AGO3: variants seen among roughly 807,000 people sequenced by gnomAD.
AGO3 encodes the protein protein argonaute-3.
A neutral mutation model predicts 105.5 loss-of-function variants in AGO3; 16 were observed. That is an observed-to-expected ratio of 0.15 (90% CI 0.10 to 0.23). The LOEUF is 0.23. AGO3 is among the 10% of genes least tolerant of loss of function. AGO3 has a pLI of 1.00. For synonymous variants in AGO3, 340 were observed against 367.3 expected (o/e 0.93, Z 0.85); for missense variants, 534 against 1,088.0 (o/e 0.49, Z 7.16).
chr1:36,046,622 T>TGAAA (rs1557711439), intron 17 of AGO3, among the ~76,000 whole-genome samples: 1 of 4,602 alleles, frequency 2.2e-4, no homozygotes, highest in Non-Finnish European at 5.1e-4. Context: ...CAGTCTCTAT[T>TGAAA]TAAAAAAAAA....
rs999904054 is a variant in AGO3, at chr1:36,065,082, G to C, written c.*9337G>C. On this transcript the variant is annotated 3_prime_UTR_variant, in exon 19 of 19. Transcript: ENST00000373191. ...CTGGGAAGGCCGAGGCAGGAGAATGGCTTGAACCCAGGAGGCGGAGGTTGC... is the reference window on the plus strand; with the variant it reads ...CTGGGAAGGCCGAGGCAGGAGAATGCCTTGAACCCAGGAGGCGGAGGTTGC... 5 of 151,308 alleles carry C rather than the reference G, an allele frequency of 3.3e-5. No homozygotes were observed. Among genetic ancestry groups the C allele is most frequent in the African/African-American group, 1.2e-4 (5 of 41,024 alleles). 9.4% of individuals were successfully genotyped at this position (151,308 alleles called of 1,614,324 possible). A position where few individuals can be genotyped will look rare whatever the true frequency, so the allele number is the denominator to read the frequency against.
At chr1:35,963,700 A>G (rs1646719212) in intron 2 of AGO3, among the ~76,000 whole-genome samples, 2 of 152,134 alleles carry the variant, frequency 1.3e-5, no homozygotes, top group Admixed American at 6.5e-5. Context: ...CATAAAAAAG[A>G]AAAACTTAAA....
At chr1:36,004,252 C>A in intron 5 of AGO3, 89 bp from the exon 6 acceptor site, 5 of 1,354,508 alleles carry the variant, frequency 3.7e-6, no homozygotes, top group Non-Finnish European at 4.0e-6. Flanking sequence ...TCATTTTAAC[C>A]CTATAGATAG....
intron 17 of AGO3, among the ~76,000 whole-genome samples, chr1:36,046,830 A>C (rs1642493683): frequency 6.6e-6 from 1 of 152,044 alleles, no homozygotes; most frequent in Admixed American, 6.6e-5. Flanking sequence ...CCCATGCCTG[A>C]GCTGAACTGG....
intron 11 of AGO3, among the ~76,000 whole-genome samples, chr1:36,024,099 T>A (rs1641375316): frequency 6.6e-6 from 1 of 151,988 alleles, no homozygotes; most frequent in African/African-American, 2.4e-5. Flanking sequence ...CAATGGTCTC[T>A]TCTTAGCCAT....
intron 9 of AGO3, among the ~76,000 whole-genome samples, 193 bp downstream of exon 9, chr1:36,009,787 C>T (rs1042578382): frequency 1.8e-4 from 28 of 152,066 alleles, no homozygotes; most frequent in African/African-American, 6.5e-4. Context: ...AGGTCCTTCT[C>T]ATTTAACCCT....
intron 11 of AGO3, among the ~76,000 whole-genome samples, chr1:36,016,237 A>T (rs1000301709): frequency 6.6e-6 from 1 of 152,202 alleles, no homozygotes; most frequent in African/African-American, 2.4e-5. Context: ...GCTGGAGTGC[A>T]GTGGCGTGAT....
chr1:35,953,588 C>T lies in AGO3; in HGVS notation c.191+7725C>T, dbSNP rs111775394. On this transcript the variant is annotated intron_variant, in intron 2 of 18. Transcript: ENST00000373191. Reference sequence around the variant, plus strand: ...TTGCCCAGGCTGGAGTGCAGTGGCACGATCTTAGCTCACTGCAACTTCCAC... The same window carrying T: ...TTGCCCAGGCTGGAGTGCAGTGGCATGATCTTAGCTCACTGCAACTTCCAC... 9.4e-3 allele frequency among the ~76,000 whole-genome samples: 1,413 copies of T among 150,968 alleles called. 24 individuals are homozygous for T. The highest frequency in any genetic ancestry group is 0.032 in the African/African-American group (1,321 of 40,986).
intron 2 of AGO3, among the ~76,000 whole-genome samples, chr1:35,952,210 G>A (rs539935017): frequency 6.8e-6 from 1 of 146,666 alleles, no homozygotes; most frequent in Non-Finnish European, 1.5e-5. Context: ...GCAGTGGCGC[G>A]ATCGCGGCTC....
Position 36,056,262 on chromosome 1 carries a change from A to G in AGO3, c.*517A>G, listed in dbSNP as rs1453688965. The G allele has an allele frequency of 6.6e-6, 1 of 152,626 alleles. No homozygotes were observed. Among genetic ancestry groups the G allele is most frequent in the Non-Finnish European group, 1.5e-5 (1 of 68,176 alleles). 9.5% of individuals were successfully genotyped at this position (152,626 alleles called of 1,614,324 possible). A position where few individuals can be genotyped will look rare whatever the true frequency, so the allele number is the denominator to read the frequency against. The stretch of plus-strand genomic sequence containing the variant: ...TGCATATATATCTAGATCTGGATTG[A>G]TAATAGATATATATGTGTCTGTTAT... On this transcript the variant is annotated 3_prime_UTR_variant, in exon 19 of 19. Coordinates refer to ENST00000373191, the MANE Select transcript of AGO3 (RefSeq NM_024852.4).
Position 35,945,880 on chromosome 1 carries a change from T to A in AGO3, c.191+17T>A. 6.3e-7 allele frequency: 1 copy of A among 1,596,196 alleles called. No homozygotes were observed. The highest frequency in any genetic ancestry group is 8.6e-7 in the Non-Finnish European group (1 of 1,169,582). On this transcript the variant is annotated intron_variant, in intron 2 of 18. Transcript: ENST00000373191. ...AGTGAACAGGTAAGAATCATGAAAC[T>A]GCAAAGATCTTTTGCTATTTTTTTC...
Position 35,973,489 on chromosome 1 carries a change from GA to G in AGO3, c.640del (p.Met214Ter), listed in dbSNP as rs2148776100. ...FHQSVRPAMW[K>X]MMLNIDVSAT... Reference sequence around the variant, plus strand: ...ATCAGTCTGTTCGGCCTGCCATGTGGAAAATGATGCTTAATATCGATGGTAA... The same window carrying G: ...ATCAGTCTGTTCGGCCTGCCATGTGGAAATGATGCTTAATATCGATGGTAA... On this transcript the variant is annotated frameshift_variant, in exon 5 of 19. Coordinates refer to ENST00000373191, the MANE Select transcript of AGO3 (RefSeq NM_024852.4). LOFTEE classifies it high-confidence loss of function. 1 of 1,583,348 alleles carries G rather than the reference GA, an allele frequency of 6.3e-7. No homozygotes were observed. The highest frequency in any genetic ancestry group is 1.2e-5 in the South Asian group (1 of 86,218).
At chr1:36,032,777 G>T (rs1284438344) in intron 12 of AGO3, among the ~76,000 whole-genome samples, 1 of 152,128 alleles carries the variant, frequency 6.6e-6, no homozygotes, top group Non-Finnish European at 1.5e-5. Context: ...ATCACTTGAG[G>T]TCAGGCGTTC....
chr1:35,949,600 T>A (rs1646432426), intron 2 of AGO3, among the ~76,000 whole-genome samples: 1 of 152,182 alleles, frequency 6.6e-6, no homozygotes, highest in Admixed American at 6.6e-5. Flanking sequence ...TTATTCAAAA[T>A]ATTAAAACAA....
intron 12 of AGO3, 21 bp from the exon 13 acceptor site, chr1:36,034,153 G>C (rs1641906464): frequency 6.7e-7 from 1 of 1,495,468 alleles, no homozygotes; most frequent in Non-Finnish European, 8.9e-7. Context: ...TCTGACTAGA[G>C]GTTTTGCATC....
In AGO3 at chr1:35,973,457, G is replaced by C; in HGVS notation, c.604G>C (p.Gly202Arg). The C allele has an allele frequency of 6.3e-7, 1 of 1,595,522 alleles. No homozygotes were observed. The highest frequency in any genetic ancestry group is 8.6e-7 in the Non-Finnish European group (1 of 1,168,452). Residue 202 changes from glycine (G) to arginine (R), a missense_variant, in exon 5 of 19, where the codon GGA becomes CGA. Coordinates refer to ENST00000373191, the MANE Select transcript of AGO3 (RefSeq NM_024852.4). ...GGGAGGGGGCAGGGAAGTGTGGTTT[G>C]GATTCCATCAGTCTGTTCGGCCTGC... Reference protein sequence around the residue: ...PLGGGREVWFGFHQSVRPAMW... With the variant: ...PLGGGREVWFRFHQSVRPAMW...
At chr1:35,991,816 A>C (rs1298215389) in intron 5 of AGO3, among the ~76,000 whole-genome samples, 1 of 151,824 alleles carries the variant, frequency 6.6e-6, no homozygotes, top group Non-Finnish European at 1.5e-5. Flanking sequence ...TTTATTTTGG[A>C]GTTCTTCCTG....
At position 36,071,645 on chromosome 1, in the gene AGO3, A is replaced by G. The variant is rs1472051499; in HGVS notation, c.*15900A>G. On this transcript the variant is annotated 3_prime_UTR_variant, in exon 19 of 19. Coordinates refer to ENST00000373191, the MANE Select transcript of AGO3 (RefSeq NM_024852.4). ...CCTTTTTTGTTGTTGTTGGCTTTTC[A>G]TAAGTAAGAAAAATTTATTGTAGTA... 1 of 152,074 alleles carries G rather than the reference A, an allele frequency of 6.6e-6. No homozygotes were observed. Among genetic ancestry groups the G allele is most frequent in the Non-Finnish European group, 1.5e-5 (1 of 68,016 alleles). 9.4% of individuals were successfully genotyped at this position (152,074 alleles called of 1,614,324 possible).
At chr1:36,026,165 G>A (rs1641493756) in intron 11 of AGO3, among the ~76,000 whole-genome samples, 1 of 152,106 alleles carries the variant, frequency 6.6e-6, no homozygotes, top group Non-Finnish European at 1.5e-5. Flanking sequence ...CTGGAGTGCA[G>A]TGGCATAATC....
Sources: allele counts gnomAD v4.1 joint callset (sites outside exome capture counted in the v4.1 genomes callset), GRCh38; gene constraint gnomAD v4.1.1; transcripts MANE v1.5; gene names NCBI Gene and HGNC (gene_info 2026-07-23, HGNC 2026-07-21).